CBX5: variants seen among roughly 807,000 people sequenced by gnomAD.
The protein encoded by CBX5 is chromobox 5.
Under a neutral mutation model 20.7 loss-of-function variants are expected in CBX5, and 7 were observed. That is an observed-to-expected ratio of 0.34 (90% confidence interval 0.19 to 0.63). The LOEUF (loss-of-function observed/expected upper bound fraction) is 0.63. Among genes scored for constraint, CBX5 ranks in the 30% least tolerant of loss-of-function variants. The pLI is 0.75. For missense variants in CBX5, 110 were observed against 224.1 expected (o/e 0.49, Z 3.25); for synonymous variants, 78 against 77.0 (o/e 1.01, Z -0.07).
intron 1 of CBX5, among the ~76,000 whole-genome samples, chr12:54,270,381 G>A (rs1943998338): frequency 6.6e-6 from 1 of 151,962 alleles, no homozygotes; most frequent in Non-Finnish European, 1.5e-5. Flanking sequence ...GCTCCAGTAA[G>A]CATCCCACCT....
rs1237150126 is a variant in CBX5, at chr12:54,232,877, C to CA, written c.*8877dup. ...GAAGGACTAAGTCACACTGATTTCT[C>CA]AGAGTTTTATACTGAGTAACCTGAA... is the stretch of plus-strand genomic sequence containing the variant. On this transcript the variant is annotated 3_prime_UTR_variant, in exon 5 of 5. Coordinates refer to ENST00000209875, the MANE Select transcript of CBX5 (RefSeq NM_012117.3). 2 of 152,114 alleles carry CA rather than the reference C, an allele frequency of 1.3e-5. No individual in the cohort carries two copies. The highest frequency in any genetic ancestry group is 2.9e-5 in the Non-Finnish European group (2 of 68,020). The allele number at this position is 152,114 out of a possible 1,614,324, so 9.4% of individuals were successfully genotyped here. A position where few individuals can be genotyped will look rare whatever the true frequency, so the allele number is the denominator to read the frequency against.
At chr12:54,247,214 C>A (rs541447956) in intron 3 of CBX5, among the ~76,000 whole-genome samples, 6 of 151,386 alleles carry the variant, frequency 4.0e-5, no homozygotes, top group African/African-American at 1.5e-4. Flanking sequence ...AAGGTAGAAC[C>A]GGACTGTGAC....
rs537210786 is a variant in CBX5, at chr12:54,238,674, T to C, written c.*3081A>G. ...TCCAGGTTTAAAATGGGTGCTCCCA[T>C]GTAGGCTGATTTTCCCGGCATTTGA... On this transcript the variant is annotated 3_prime_UTR_variant, in exon 5 of 5. Transcript: ENST00000209875. 44 of 152,320 alleles carry C rather than the reference T, an allele frequency of 2.9e-4. No homozygotes were observed. Among genetic ancestry groups the C allele is most frequent in the African/African-American group, 1.0e-3 (43 of 41,568 alleles). 9.4% of individuals were successfully genotyped at this position (152,320 alleles called of 1,614,324 possible).
chr12:54,248,987 A>G (rs1002080269), intron 3 of CBX5, among the ~76,000 whole-genome samples: 11 of 152,168 alleles, frequency 7.2e-5, no homozygotes, highest in African/African-American at 2.7e-4. Flanking sequence ...GGTTGTTTTC[A>G]AGGTCGGCAG....
In CBX5 at chr12:54,235,329, C is replaced by T. The variant is rs1943608433; in HGVS notation, c.*6426G>A. 2 of 152,198 alleles carry T rather than the reference C, an allele frequency of 1.3e-5. No homozygotes were observed. The highest frequency in any genetic ancestry group is 6.5e-5 in the Admixed American group (1 of 15,276). 9.4% of individuals were successfully genotyped at this position (152,198 alleles called of 1,614,324 possible). ...ATACAATTCTCTGCTTAGAAATCAC[C>T]CTCTCGGCCCGGCGGTGGCTCACGC... On this transcript the variant is annotated 3_prime_UTR_variant, in exon 5 of 5. Transcript: ENST00000209875.
intron 2 of CBX5, among the ~76,000 whole-genome samples, chr12:54,253,414 C>CA (rs908302696): frequency 6.0e-5 from 9 of 149,380 alleles, no homozygotes; most frequent in East Asian, 3.9e-4. Context: ...GACTCTATCT[C>CA]AAAAAAAAAC....
intron 1 of CBX5, among the ~76,000 whole-genome samples, chr12:54,260,555 AG>A (rs1943906525): frequency 6.6e-6 from 1 of 152,026 alleles, no homozygotes; most frequent in South Asian, 2.1e-4. Flanking sequence ...AAAAAAAAAA[AG>A]AGGAGAGCAG....
Position 54,235,805 on chromosome 12 carries a change from A to G in CBX5, c.*5950T>C, listed in dbSNP as rs1268552355. ...CCTCCAAAAGGGATGAGAAATTGAA[A>G]AAGGTGTGAGCAACTCTGGTAAAGT... On this transcript the variant is annotated 3_prime_UTR_variant, in exon 5 of 5. Coordinates refer to ENST00000209875, the MANE Select transcript of CBX5 (RefSeq NM_012117.3). 2 of 152,214 alleles carry G rather than the reference A, an allele frequency of 1.3e-5. No homozygotes were observed. The highest frequency in any genetic ancestry group is 2.4e-5 in the African/African-American group (1 of 41,446). The allele number at this position is 152,214 out of a possible 1,614,324, so 9.4% of individuals were successfully genotyped here.
chr12:54,258,422 G>A (rs1012252407), intron 1 of CBX5: 8 of 152,194 alleles, frequency 5.3e-5, no homozygotes, highest in African/African-American at 1.9e-4. Flanking sequence ...TTCCCAAGAT[G>A]CAACTAACCC....
intron 1 of CBX5, chr12:54,259,243 G>C (rs1943891909): frequency 6.6e-6 from 1 of 152,158 alleles, no homozygotes; most frequent in African/African-American, 2.4e-5. Context: ...ATTCCAGGGA[G>C]AGTACCCCAC....
intron 1 of CBX5, among the ~76,000 whole-genome samples, chr12:54,264,873 A>G (rs1404476092): frequency 6.6e-6 from 1 of 152,132 alleles, no homozygotes; most frequent in African/African-American, 2.4e-5. Flanking sequence ...AAGAAAGCCA[A>G]TTGGTAAGCT....
rs1943642557 is a variant in CBX5, at chr12:54,238,180, CTCTG to C, written c.*3571_*3574del. 1 of 151,756 alleles carries C rather than the reference CTCTG, an allele frequency of 6.6e-6. No individual in the cohort carries two copies. 9.4% of individuals were successfully genotyped at this position (151,756 alleles called of 1,614,324 possible). A position where few individuals can be genotyped will look rare whatever the true frequency, so the allele number is the denominator to read the frequency against. ...ACTCCAGCCTGGTGACAGAGCGAGA[CTCTG>C]TCTAAAAAAAATAAATAAATAATAG... On this transcript the variant is annotated 3_prime_UTR_variant, in exon 5 of 5. Transcript: ENST00000209875.
rs1943589927 is a variant in CBX5, at chr12:54,233,523, A to G, written c.*8232T>C. The stretch of plus-strand genomic sequence containing the variant: ...ACTGTCTTTTCAGGTGTTCTCAAAG[A>G]ATTTCTAGGCAGAAAGCCTCTCCTT... On this transcript the variant is annotated 3_prime_UTR_variant, in exon 5 of 5. Coordinates refer to ENST00000209875, the MANE Select transcript of CBX5 (RefSeq NM_012117.3). The G allele has an allele frequency of 2.6e-5, 4 of 152,230 alleles. No homozygotes were observed. Among genetic ancestry groups the G allele is most frequent in the Admixed American group, 1.3e-4 (2 of 15,286 alleles). The allele number at this position is 152,230 out of a possible 1,614,324, so 9.4% of individuals were successfully genotyped here.
At chr12:54,243,088 C>A (rs113935627) in intron 4 of CBX5, among the ~76,000 whole-genome samples, 5,134 of 152,118 alleles carry the variant, frequency 0.034, 133 homozygotes, top group Non-Finnish European at 0.055. Context: ...TGAACCACTG[C>A]ACTCCAGCCT....
chr12:54,249,450 A>AC (rs1230106503), intron 3 of CBX5, among the ~76,000 whole-genome samples: 2 of 147,990 alleles, frequency 1.4e-5, no homozygotes, highest in Non-Finnish European at 3.0e-5. Context: ...TTTTTAACGT[A>AC]CCCCCCAGGT....
At chr12:54,269,753 G>A (rs1211335577) in intron 1 of CBX5, among the ~76,000 whole-genome samples, 1 of 152,114 alleles carries the variant, frequency 6.6e-6, no homozygotes, top group Non-Finnish European at 1.5e-5. Flanking sequence ...TAGAGATAGG[G>A]CTAGTAAGGT....
At chr12:54,249,893 A>G (rs1388141812) in intron 3 of CBX5, among the ~76,000 whole-genome samples, 3 of 152,064 alleles carry the variant, frequency 2.0e-5, no homozygotes, top group Admixed American at 6.6e-5. Flanking sequence ...ATAATAGATC[A>G]AGAGAATATA....
rs536785120 is a variant in CBX5, at chr12:54,245,015, TA to T, written c.425+1099del. 8.7e-4 allele frequency among the ~76,000 whole-genome samples: 132 copies of T among 150,956 alleles called. No homozygotes were observed. In the Middle Eastern group the frequency reaches 0.017, roughly 20 times the overall value. ...TGTTTTATATATATATATTTATTAT[TA>T]TTTTTTTTTTTTAGAGACGGAGTCT... On this transcript the variant is annotated intron_variant, in intron 4 of 4. Transcript: ENST00000209875.
chr12:54,250,524 G>A (rs961611348), intron 3 of CBX5, among the ~76,000 whole-genome samples: 2 of 152,030 alleles, frequency 1.3e-5, no homozygotes, highest in Non-Finnish European at 1.5e-5. Context: ...AAAGGGCCGG[G>A]GCCGGGCGCG....
Sources: allele counts gnomAD v4.1 joint callset (sites outside exome capture counted in the v4.1 genomes callset), GRCh38; gene constraint gnomAD v4.1.1; transcripts MANE v1.5; gene names NCBI Gene and HGNC (gene_info 2026-07-23, HGNC 2026-07-21).